Variants in GALNT3 observed in about 807,000 individuals in gnomAD.
GALNT3 encodes the protein GalNAc transferase 3.
Under a neutral mutation model 69.8 loss-of-function variants are expected in GALNT3, and 51 were observed. That is an observed-to-expected ratio of 0.73 (90% confidence interval 0.58 to 0.92). The LOEUF (loss-of-function observed/expected upper bound fraction) is 0.92, where lower values mean the gene tolerates loss of function less well. GALNT3 is among the 40% of genes least tolerant of loss of function. The pLI, the probability that GALNT3 is intolerant of heterozygous loss-of-function variation, is 0.00. For synonymous variants in GALNT3, 265 were observed against 248.5 expected, an observed-to-expected ratio of 1.07 and a Z score of -0.63; for missense variants, 711 against 760.0, an observed-to-expected ratio of 0.94 and a Z score of 0.76.
intron 1 of GALNT3, among the ~76,000 whole-genome samples, chr2:165,791,249 G>A (rs559861032): frequency 2.1e-5 from 3 of 139,546 alleles, no homozygotes; most frequent in African/African-American, 8.1e-5. Context: ...GTGAGTGGGT[G>A]TGTGCCTGTG....
intron 1 of GALNT3, among the ~76,000 whole-genome samples, chr2:165,783,733 G>C (rs528653455): frequency 1.3e-5 from 2 of 152,178 alleles, no homozygotes; most frequent in Non-Finnish European, 2.9e-5. Flanking sequence ...TTTGGTCTAA[G>C]AACTATAGTT....
At chr2:165,771,184 C>T (rs1470726047) in intron 1 of GALNT3, 3 of 152,366 alleles carry the variant, frequency 2.0e-5, no homozygotes, top group Non-Finnish European at 4.4e-5. Flanking sequence ...AAAAAGAGAG[C>T]TCCATAAGGA....
At chr2:165,758,552 C>G (rs369087920) in intron 6 of GALNT3, 195 bp downstream of exon 6, 55 of 471,602 alleles carry the variant, frequency 1.2e-4, no homozygotes, top group Middle Eastern at 1.2e-3. Context: ...CCTCTTGTTA[C>G]ACTGGCGACA....
In GALNT3 at chr2:165,770,411, C is replaced by T; in HGVS notation, c.290G>A (p.Cys97Tyr). 1 of 1,614,220 alleles carries T rather than the reference C, an allele frequency of 6.2e-7. No homozygotes were observed. Among genetic ancestry groups the T allele is most frequent in the South Asian group, 1.1e-5 (1 of 91,084 alleles). Reference protein sequence around the residue: ...RQNIDAGERPCLQGYYTAAEL... With the variant: ...RQNIDAGERPYLQGYYTAAEL... ...TGCTGCTGTATAATATCCTTGCAAA[C>T]AAGGTCTCTCACCAGCATCAATGTT... Residue 97 changes from cysteine (C) to tyrosine (Y), a missense_variant, in exon 2 of 11, where the codon TGT (cysteine) becomes TAT (tyrosine). Physicochemically the swap from Cys to Tyr is radical, Grantham distance 194. Transcript: ENST00000392701.
At chr2:165,781,406 G>A (rs1167961961) in intron 1 of GALNT3, among the ~76,000 whole-genome samples, 3 of 151,906 alleles carry the variant, frequency 2.0e-5, no homozygotes, top group Admixed American at 2.0e-4. Flanking sequence ...ACCAGCCTGG[G>A]TAATATGGCA....
rs547467910 is a variant in GALNT3, at chr2:165,765,039, A to C, written c.533T>G (p.Phe178Cys). 1 of 1,614,168 alleles carries C rather than the reference A, an allele frequency of 6.2e-7. No individual in the cohort carries two copies. The highest frequency in any genetic ancestry group is 1.3e-5 in the African/African-American group (1 of 75,050). The change falls in exon 3 of 11, where the codon TTT (phenylalanine) becomes TGT (cysteine). Residue 178 changes from phenylalanine to cysteine, a missense_variant. Physicochemically the swap from Phe to Cys is radical, Grantham distance 205. Coordinates refer to ENST00000392701, the MANE Select transcript of GALNT3 (RefSeq NM_004482.4). ...GGTGGGCAGGGGAGGGCAGCGCTTA[A>C]ATTTTTGTTCAATACATCTAGAAGA... ...TRPPECIEQKFKRCPPLPTTS... is the reference protein window; with the variant it reads ...TRPPECIEQKCKRCPPLPTTS...
Position 165,775,985 on chromosome 2 carries a change from A to G in GALNT3, c.-108-5177T>C, listed in dbSNP as rs6716143. Reference sequence around the variant, plus strand: ...CACGATAAAATCCAAGGCAAGAATGACCCACAGTTTTCCAAAAAGACTCAG... The same window carrying G: ...CACGATAAAATCCAAGGCAAGAATGGCCCACAGTTTTCCAAAAAGACTCAG... On this transcript the variant is annotated intron_variant, in intron 1 of 10. Coordinates refer to ENST00000392701, the MANE Select transcript of GALNT3 (RefSeq NM_004482.4). 4.4e-3 allele frequency among the ~76,000 whole-genome samples: 676 copies of G among 152,294 alleles called. 5 individuals carry two copies. The highest frequency in any genetic ancestry group is 0.015 in the African/African-American group (636 of 41,556).
Position 165,765,767 on chromosome 2 carries a change from C to T in GALNT3, c.516-711G>A, listed in dbSNP as rs773322745. Among the ~76,000 whole-genome samples the T allele has an allele frequency of 3.9e-4, 60 of 152,068 alleles. 2 individuals carry two copies. Among genetic ancestry groups the T allele is most frequent in the Non-Finnish European group, 2.2e-4 (15 of 68,002 alleles). On this transcript the variant is annotated intron_variant, in intron 2 of 10. Transcript: ENST00000392701. ...CCTCCCAAAGTGCTGGGATTACACA[C>T]GTGTGCCACTGCGCCCACAATATTA... is the stretch of plus-strand genomic sequence containing the variant.
chr2:165,779,146 G>A (rs1683046402), intron 1 of GALNT3, among the ~76,000 whole-genome samples: 1 of 152,300 alleles, frequency 6.6e-6, no homozygotes, highest in Non-Finnish European at 1.5e-5. Context: ...GTGAGCAGTG[G>A]AGGAAAACTA....
intron 1 of GALNT3, among the ~76,000 whole-genome samples, chr2:165,793,327 T>G (rs1022111378): frequency 1.3e-5 from 2 of 152,142 alleles, no homozygotes; most frequent in Non-Finnish European, 2.9e-5. Flanking sequence ...GGCAGTTGGA[T>G]TTCTTCCCGC....
intron 1 of GALNT3, among the ~76,000 whole-genome samples, chr2:165,774,909 CTTTTTTTTTTTTT>C (rs71031204): frequency 8.6e-5 from 9 of 104,328 alleles, no homozygotes. Flanking sequence ...CTTCTTCTCT[CTTTTTTTTTTTTT>C]TTTTTTTTTG....
intron 1 of GALNT3, among the ~76,000 whole-genome samples, chr2:165,787,364 T>G (rs1275478118): frequency 6.6e-6 from 1 of 152,244 alleles, no homozygotes; most frequent in Non-Finnish European, 1.5e-5. Context: ...TGCTATATGT[T>G]TGATGGGAGC....
intron 1 of GALNT3, among the ~76,000 whole-genome samples, chr2:165,790,502 G>A (rs1683321789): frequency 6.6e-6 from 1 of 151,892 alleles, no homozygotes; most frequent in African/African-American, 2.4e-5. Context: ...TTTTCAATAG[G>A]ATTTTATATC....
chr2:165,750,584 C>A (rs1173205199), intron 9 of GALNT3, among the ~76,000 whole-genome samples: 1 of 152,150 alleles, frequency 6.6e-6, no homozygotes, highest in African/African-American at 2.4e-5. Context: ...TTTACTGAAA[C>A]ACCTACAGCT....
Position 165,754,965 on chromosome 2 carries a change from A to T in GALNT3, c.1491T>A (p.Tyr497Ter), listed in dbSNP as rs1688420368. 6.2e-7 allele frequency: 1 copy of T among 1,613,362 alleles called. No homozygotes were observed. The highest frequency in any genetic ancestry group is 1.1e-5 in the South Asian group (1 of 91,076). ...WYLNNIYPEV[Y>*]VPDLNPVISG... is the part of the protein sequence containing the mutation. ...ATATAACAGGATTAAGGTCTGGCAC[A>T]TACACCTCTGGATAAATGTTGTTCA... The change falls in exon 8 of 11, where the codon TAT becomes TAA. Residue 497 changes from tyrosine to a stop codon, truncating the protein, a stop_gained. Coordinates refer to ENST00000392701, the MANE Select transcript of GALNT3 (RefSeq NM_004482.4). LOFTEE classifies it high-confidence loss of function.
intron 1 of GALNT3, among the ~76,000 whole-genome samples, chr2:165,780,198 T>G (rs1314517408): frequency 6.6e-6 from 1 of 152,080 alleles, no homozygotes; most frequent in Non-Finnish European, 1.5e-5. Context: ...GCTGGAGAGA[T>G]AGGCTGACTG....
At chr2:165,781,200 CCTT>C (rs1350419832) in intron 1 of GALNT3, among the ~76,000 whole-genome samples, 1 of 152,074 alleles carries the variant, frequency 6.6e-6, no homozygotes, top group African/African-American at 2.4e-5. Flanking sequence ...TGCTGCAGAG[CCTT>C]CTTCTACTTT....
chr2:165,772,440 T>A (rs1688768328), intron 1 of GALNT3, among the ~76,000 whole-genome samples: 2 of 151,232 alleles, frequency 1.3e-5, no homozygotes, highest in Non-Finnish European at 3.0e-5. Flanking sequence ...CAAAAATTAG[T>A]CAAATGTGGT....
intron 7 of GALNT3, 134 bp from the exon 8 acceptor site, chr2:165,755,197 G>T: frequency 1.2e-6 from 1 of 827,304 alleles, no homozygotes; most frequent in Non-Finnish European, 2.0e-6. Context: ...CAATTCAACA[G>T]CCTTCATCAT....
Sources: gnomAD v4.1 joint callset for allele counts (sites outside exome capture counted in the v4.1 genomes callset) on GRCh38, gnomAD v4.1.1 for gene constraint, MANE v1.5 for transcripts, NCBI Gene and HGNC (gene_info 2026-07-23, HGNC 2026-07-21) for gene names.